Variants in DLG2 observed in about 807,000 individuals in gnomAD.
The protein encoded by DLG2 is disks large homolog 2.
In DLG2, 45 loss-of-function variants were observed where a neutral mutation model predicts 132.5. The ratio of observed to expected loss-of-function variants is 0.34; its 90% CI spans 0.27 to 0.44. DLG2 has a LOEUF of 0.44. Ranked by LOEUF, DLG2 falls within the 20% of genes least tolerant of loss-of-function variation. DLG2 has a pLI of 1.00. For missense variants in DLG2, 1,045 were observed against 1,196.9 expected, an observed-to-expected ratio of 0.87 and a Z score of 1.87; for synonymous variants, 424 against 419.6, an observed-to-expected ratio of 1.01 and a Z score of -0.13.
At chr11:83,633,377 G>T in intron 18 of DLG2, 52 bp from the exon 19 acceptor site, 4 of 1,482,156 alleles carry the variant, frequency 2.7e-6, no homozygotes, top group Non-Finnish European at 3.7e-6. Flanking sequence ...TCAAGAGTTG[G>T]AAATGCTGCA....
intron 16 of DLG2, among the ~76,000 whole-genome samples, chr11:83,869,627 A>T (rs780415530): frequency 6.6e-6 from 1 of 152,262 alleles, no homozygotes; most frequent in African/African-American, 2.4e-5. Context: ...AGATCTGTTT[A>T]TAAGTAAAAC....
intron 6 of DLG2, among the ~76,000 whole-genome samples, chr11:84,895,306 T>C (rs1441103567): frequency 1.3e-5 from 2 of 152,166 alleles, no homozygotes; most frequent in Non-Finnish European, 2.9e-5. Context: ...TGGTTAGTTA[T>C]TGAATACAAA....
intron 18 of DLG2, among the ~76,000 whole-genome samples, chr11:83,763,003 G>A (rs540786793): frequency 1.6e-4 from 24 of 152,258 alleles, no homozygotes; most frequent in Non-Finnish European, 2.6e-4. Context: ...CCATCTGCCA[G>A]GTTGGCTTTT....
rs540422330 is a variant in DLG2, at chr11:83,657,534, C to CTTTTTT, written c.1826-24215_1826-24210dup. Among the ~76,000 whole-genome samples, 172 of 93,350 alleles carry CTTTTTT rather than the reference C, an allele frequency of 1.8e-3. 1 individual carries two copies. Among genetic ancestry groups the CTTTTTT allele is most frequent in the Middle Eastern group, 8.2e-3 (1 of 122 alleles). 61.2% of individuals were successfully genotyped at this position (93,350 alleles called of 152,430 possible). On this transcript the variant is annotated intron_variant, in intron 18 of 27. Transcript: ENST00000376104. ...TCCGTGCTTTTATATATTGTCTATT[C>CTTTTTT]TTTTTTTTTTTTTTTTTTTTTTGAG... is the stretch of plus-strand genomic sequence containing the variant.
At chr11:85,237,687 T>G (rs1205989266) in intron 4 of DLG2, among the ~76,000 whole-genome samples, 1 of 152,010 alleles carries the variant, frequency 6.6e-6, no homozygotes, top group Non-Finnish European at 1.5e-5. Context: ...CTGTCTGTAG[T>G]TTAGATGCAA....
chr11:84,857,783 G>C (rs2082986836), intron 6 of DLG2, among the ~76,000 whole-genome samples: 1 of 152,002 alleles, frequency 6.6e-6, no homozygotes, highest in Non-Finnish European at 1.5e-5. Context: ...GAGGAACCAA[G>C]ATCTTTGGCC....
At chr11:83,819,979 C>T (rs2050302863) in intron 17 of DLG2, among the ~76,000 whole-genome samples, 1 of 152,126 alleles carries the variant, frequency 6.6e-6, no homozygotes, top group Non-Finnish European at 1.5e-5. Context: ...ACAAATGTTA[C>T]TTTCAGGTTT....
chr11:83,840,859 A>G (rs1203163575), intron 16 of DLG2, among the ~76,000 whole-genome samples: 1 of 152,220 alleles, frequency 6.6e-6, no homozygotes, highest in Non-Finnish European at 1.5e-5. Context: ...ACTGATGGTC[A>G]TTTAATATTC....
intron 19 of DLG2, among the ~76,000 whole-genome samples, chr11:83,626,201 C>T (rs1318789120): frequency 6.6e-6 from 1 of 152,132 alleles, no homozygotes; most frequent in East Asian, 1.9e-4. Flanking sequence ...TAGTGGTCTT[C>T]TGGGCAAATT....
At chr11:84,377,566 T>C (rs1268715156) in intron 7 of DLG2, among the ~76,000 whole-genome samples, 1 of 151,962 alleles carries the variant, frequency 6.6e-6, no homozygotes. Flanking sequence ...TAATTGATAT[T>C]AGAACTCTAA....
chr11:85,534,410 G>A (rs915130197), intron 3 of DLG2, among the ~76,000 whole-genome samples: 3 of 152,016 alleles, frequency 2.0e-5, no homozygotes, highest in African/African-American at 7.2e-5. Context: ...ATTGTGTGAT[G>A]CTGAAGTTTG....
At chr11:84,219,747 C>A (rs1479605688) in intron 8 of DLG2, among the ~76,000 whole-genome samples, 1 of 152,220 alleles carries the variant, frequency 6.6e-6, no homozygotes, top group Non-Finnish European at 1.5e-5. Context: ...ACAGAATACT[C>A]AGACTTATGG....
chr11:83,667,975 CAAAAAAAAAAAAA>C (rs10688898), intron 18 of DLG2, among the ~76,000 whole-genome samples: 7 of 39,600 alleles, frequency 1.8e-4, no homozygotes, highest in African/African-American at 8.6e-4. Context: ...GACTCCGTCT[CAAAAAAAAAAAAA>C]AAAAAAAAAG....
intron 3 of DLG2, among the ~76,000 whole-genome samples, chr11:85,501,278 C>A (rs928643219): frequency 2.6e-5 from 4 of 151,936 alleles, no homozygotes; most frequent in African/African-American, 7.2e-5. Flanking sequence ...TCAACATGGA[C>A]CAAAGACTTA....
chr11:84,534,793 T>A (rs748532868), intron 6 of DLG2, 62 bp from the exon 7 acceptor site: 9 of 1,556,274 alleles, frequency 5.8e-6, no homozygotes, highest in Non-Finnish European at 8.0e-6. Context: ...GGATATAGAC[T>A]GAACTTCATA....
At chr11:84,390,868 C>T (rs957151203) in intron 7 of DLG2, among the ~76,000 whole-genome samples, 4 of 152,112 alleles carry the variant, frequency 2.6e-5, no homozygotes, top group East Asian at 3.9e-4. Flanking sequence ...GATGCTGGTG[C>T]GGCAGCAGGG....
chr11:85,398,875 G>A (rs1363803718), intron 3 of DLG2, among the ~76,000 whole-genome samples: 1 of 152,154 alleles, frequency 6.6e-6, no homozygotes, highest in African/African-American at 2.4e-5. Context: ...CATTGCTTCT[G>A]AAACTATTTC....
chr11:84,162,500 C>T (rs1038586055), intron 9 of DLG2, among the ~76,000 whole-genome samples: 1 of 151,760 alleles, frequency 6.6e-6, no homozygotes, highest in Non-Finnish European at 1.5e-5. Flanking sequence ...ACATAATAAA[C>T]ACATTATCCT....
chr11:84,659,839 GT>G (rs1467856181), intron 6 of DLG2, among the ~76,000 whole-genome samples: 4 of 152,020 alleles, frequency 2.6e-5, no homozygotes, highest in Non-Finnish European at 5.9e-5. Flanking sequence ...AGTGAAAGCT[GT>G]TATATTCACG....
Sources: allele counts gnomAD v4.1 joint callset (sites outside exome capture counted in the v4.1 genomes callset), GRCh38; gene constraint gnomAD v4.1.1; transcripts MANE v1.5; gene names NCBI Gene and HGNC (gene_info 2026-07-23, HGNC 2026-07-21).